Variants in KIF6 observed in about 807,000 individuals in gnomAD.
KIF6 encodes kinesin-like protein KIF6.
A neutral mutation model predicts 112.7 loss-of-function variants in KIF6; 106 were observed. The observed-to-expected ratio is 0.94, with a 90% confidence interval of 0.80 to 1.11. KIF6 has a LOEUF of 1.11. Ranked by LOEUF, KIF6 falls within the 50% of genes least tolerant of loss-of-function variation. The pLI is 0.00. For missense variants in KIF6, 929 were observed against 964.0 expected, an observed-to-expected ratio of 0.96 and a Z score of 0.48; for synonymous variants, 339 against 339.9, an observed-to-expected ratio of 1.00 and a Z score of 0.03.
intron 13 of KIF6, among the ~76,000 whole-genome samples, chr6:39,435,106 G>A (rs142617772): frequency 1.1e-3 from 162 of 152,172 alleles, no homozygotes; most frequent in African/African-American, 1.9e-3. Context: ...CAGTCATTGC[G>A]GCTCTTAGAT....
chr6:39,583,385 A>G (rs569447666), intron 9 of KIF6: 8 of 471,364 alleles, frequency 1.7e-5, no homozygotes, highest in African/African-American at 1.6e-4. Flanking sequence ...ACACTGTGTG[A>G]TGCTGATACC....
chr6:39,699,052 G>T (rs538998154), intron 3 of KIF6, among the ~76,000 whole-genome samples: 1 of 152,246 alleles, frequency 6.6e-6, no homozygotes, highest in South Asian at 2.1e-4. Flanking sequence ...TATTTACTGG[G>T]TATTTACTAT....
intron 10 of KIF6, among the ~76,000 whole-genome samples, chr6:39,565,043 T>C (rs560735277): frequency 1.3e-5 from 2 of 152,364 alleles, no homozygotes; most frequent in South Asian, 2.1e-4. Context: ...CATATTGTAC[T>C]GAGAAGAGAG....
chr6:39,646,344 G>A (rs1785173011), intron 3 of KIF6, among the ~76,000 whole-genome samples: 1 of 151,868 alleles, frequency 6.6e-6, no homozygotes, highest in South Asian at 2.1e-4. Flanking sequence ...ATAGTAATAG[G>A]ATCATGGATT....
intron 3 of KIF6, among the ~76,000 whole-genome samples, chr6:39,654,339 T>A (rs772267439): frequency 6.6e-6 from 1 of 152,176 alleles, no homozygotes; most frequent in Non-Finnish European, 1.5e-5. Context: ...TCTCATCTAT[T>A]CCTCCTCCTC....
intron 13 of KIF6, among the ~76,000 whole-genome samples, chr6:39,522,665 G>C (rs1235152935): frequency 6.6e-6 from 1 of 152,052 alleles, no homozygotes; most frequent in Non-Finnish European, 1.5e-5. Context: ...CATCTTACTT[G>C]ACCACTCTGC....
chr6:39,703,723 G>A (rs1789018002), intron 3 of KIF6, among the ~76,000 whole-genome samples: 1 of 152,142 alleles, frequency 6.6e-6, no homozygotes, highest in Admixed American at 6.5e-5. Context: ...AGATCTGCAA[G>A]TGATAAAGCA....
intron 15 of KIF6, among the ~76,000 whole-genome samples, chr6:39,389,098 C>T (rs571788341): frequency 3.9e-5 from 6 of 152,250 alleles, no homozygotes; most frequent in African/African-American, 1.2e-4. Flanking sequence ...AATATGACCG[C>T]GAGCAGGGTA....
intron 2 of KIF6, among the ~76,000 whole-genome samples, chr6:39,715,264 C>A (rs1236111357): frequency 2.6e-5 from 4 of 152,132 alleles, no homozygotes; most frequent in African/African-American, 9.7e-5. Flanking sequence ...TATATCCTAG[C>A]ATCAACCATT....
chr6:39,375,484 G>C (rs540914396), intron 16 of KIF6, among the ~76,000 whole-genome samples: 40 of 152,278 alleles, frequency 2.6e-4, no homozygotes, highest in African/African-American at 9.6e-4. Context: ...TTTTCAATTA[G>C]AAATAATATT....
chr6:39,594,319 G>A (rs1369593365), intron 7 of KIF6, among the ~76,000 whole-genome samples: 11 of 151,984 alleles, frequency 7.2e-5, no homozygotes, highest in Non-Finnish European at 1.6e-4. Flanking sequence ...TGGATATAAT[G>A]GAAATTAAAA....
chr6:39,487,558 C>G (rs374896602), intron 13 of KIF6, among the ~76,000 whole-genome samples: 11 of 152,166 alleles, frequency 7.2e-5, no homozygotes, highest in Admixed American at 3.3e-4. Context: ...TCCCTTCCCC[C>G]ACAGGTGTCA....
At chr6:39,410,333 A>C (rs1769393844) in intron 15 of KIF6, among the ~76,000 whole-genome samples, 1 of 152,268 alleles carries the variant, frequency 6.6e-6, no homozygotes, top group Non-Finnish European at 1.5e-5. Context: ...CTCTCCCATA[A>C]GGGAAAGAAA....
At chr6:39,337,168 CTTCCTTCTTTCTTTCT>C (rs1477906353) in intron 22 of KIF6, among the ~76,000 whole-genome samples, 552 of 48,494 alleles carry the variant, frequency 0.011, 31 homozygotes, top group Middle Eastern at 0.069. Flanking sequence ...TCTTTCTTTC[CTTCCTTCTTTCTTTCT>C]TTCTTTCTTT....
At chr6:39,546,692 G>T (rs565679386) in intron 10 of KIF6, among the ~76,000 whole-genome samples, 1 of 152,188 alleles carries the variant, frequency 6.6e-6, no homozygotes, top group African/African-American at 2.4e-5. Context: ...CAGGCAAATT[G>T]GCATGTGCCT....
At chr6:39,672,318 G>C (rs910176163) in intron 3 of KIF6, among the ~76,000 whole-genome samples, 4 of 152,088 alleles carry the variant, frequency 2.6e-5, no homozygotes, top group Non-Finnish European at 5.9e-5. Context: ...TTAGCTTATG[G>C]TAACATTGGT....
At chr6:39,356,283 T>A (rs575748718) in intron 19 of KIF6, among the ~76,000 whole-genome samples, 1 of 152,036 alleles carries the variant, frequency 6.6e-6, no homozygotes, top group African/African-American at 2.4e-5. Flanking sequence ...TTCTTTTTTT[T>A]TTTTGAGACG....
chr6:39,606,571 T>C (rs1204159780), intron 6 of KIF6, among the ~76,000 whole-genome samples: 2 of 152,144 alleles, frequency 1.3e-5, no homozygotes, highest in Non-Finnish European at 2.9e-5. Flanking sequence ...ATTACATCTG[T>C]TATGTCTTTA....
At chr6:39,347,983 A>G (rs956294640) in intron 19 of KIF6, among the ~76,000 whole-genome samples, 3 of 152,234 alleles carry the variant, frequency 2.0e-5, no homozygotes, top group Non-Finnish European at 2.9e-5. Flanking sequence ...TGCTGGGTCT[A>G]GTGAGGACCG....
Sources: allele counts gnomAD v4.1 joint callset (sites outside exome capture counted in the v4.1 genomes callset), GRCh38; gene constraint gnomAD v4.1.1; transcripts MANE v1.5; gene names NCBI Gene and HGNC (gene_info 2026-07-23, HGNC 2026-07-21).